IBA57: variants seen among roughly 807,000 people sequenced by gnomAD.
The protein encoded by IBA57 is iron-sulfur cluster assembly factor IBA57.
A neutral mutation model predicts 20.4 loss-of-function variants in IBA57; 20 were observed. That is an observed-to-expected ratio of 0.98 (90% CI 0.69 to 1.42). The LOEUF (loss-of-function observed/expected upper bound fraction) is 1.42, where lower values mean the gene tolerates loss of function less well. Ranked by LOEUF, IBA57 falls within the 40% of genes most tolerant of loss-of-function variation. The pLI is 0.00. For missense variants in IBA57, 608 were observed against 499.3 expected, an observed-to-expected ratio of 1.22 and a Z score of -2.07; for synonymous variants, 310 against 233.9, an observed-to-expected ratio of 1.33 and a Z score of -2.97.
At chr1:228,168,640 CAGG>C (rs1410677442) in intron 1 of IBA57, among the ~76,000 whole-genome samples, 5 of 152,112 alleles carry the variant, frequency 3.3e-5, no homozygotes, top group South Asian at 2.1e-4. Context: ...TCGAGGTCTG[CAGG>C]AGGAGTTAAT....
intron 1 of IBA57, among the ~76,000 whole-genome samples, chr1:228,168,608 C>T (rs2034884056): frequency 6.6e-6 from 1 of 152,148 alleles, no homozygotes; most frequent in Admixed American, 6.5e-5. Context: ...TCTATTTGCT[C>T]TCATTGTGGG....
chr1:228,170,864 C>G lies in IBA57; in HGVS notation c.342-3828C>G, dbSNP rs527410823. ...AGGAGAGAGAAGGGAAGGAGTCAGG[C>G]CGGGTCCCAGAGCAGTGTTTTCCTG... On this transcript the variant is annotated intron_variant, in intron 1 of 2. Coordinates refer to ENST00000366711, the MANE Select transcript of IBA57 (RefSeq NM_001010867.4). The surrounding 1 kb of genome is among the most constrained non-coding windows in gnomAD (Gnocchi z 4.8). Among the ~76,000 whole-genome samples the G allele has an allele frequency of 6.6e-6, 1 of 152,248 alleles. No individual in the cohort carries two copies. The highest frequency in any genetic ancestry group is 2.1e-4 in the South Asian group (1 of 4,820).
chr1:228,174,719 C>T lies in IBA57; in HGVS notation c.369C>T (p.Gly123=). Residue 123 remains glycine (G), a synonymous_variant, in exon 2 of 3, where the codon GGC becomes GGT. Transcript: ENST00000366711. ...TCCAGGAACACTCGGAGGTGTCTGG[C>T]TTCCTTCTGGAGTGTGACAGCTCGG... ...YGLQEHSEVS[G]FLLECDSSVQ... 1.3e-6 allele frequency: 2 copies of T among 1,584,398 alleles called. No homozygotes were observed. The highest frequency in any genetic ancestry group is 1.1e-5 in the South Asian group (1 of 89,282).
At position 228,166,003 on chromosome 1, in the gene IBA57, G is replaced by A; in HGVS notation, c.187G>A (p.Gly63Ser). ...LDGRTLLRVR[G>S]PDAAPFLLGL... ...CGGGCGCACCCTGCTGCGCGTGCGT[G>A]GCCCCGACGCGGCGCCCTTCCTGCT... The change falls in exon 1 of 3, where the codon GGC (glycine) becomes AGC (serine). Residue 63 changes from glycine (G) to serine (S), a missense_variant. By Grantham distance (56) the Gly-to-Ser change is moderately conservative. Coordinates refer to ENST00000366711, the MANE Select transcript of IBA57 (RefSeq NM_001010867.4). The A allele has an allele frequency of 6.5e-7, 1 of 1,529,892 alleles. No individual in the cohort carries two copies. The highest frequency in any genetic ancestry group is 8.7e-7 in the Non-Finnish European group (1 of 1,145,732). The allele number at this position is 1,529,892 out of a possible 1,614,324, so 94.8% of individuals were successfully genotyped here.
At position 228,179,087 on chromosome 1, in the gene IBA57, G is replaced by A. The variant is rs1259377092; in HGVS notation, c.*3574G>A. 1.3e-5 allele frequency: 2 copies of A among 151,762 alleles called. No individual in the cohort carries two copies. Among genetic ancestry groups the A allele is most frequent in the Non-Finnish European group, 2.9e-5 (2 of 67,956 alleles). 9.4% of individuals were successfully genotyped at this position (151,762 alleles called of 1,614,324 possible). A position where few individuals can be genotyped will look rare whatever the true frequency, so the allele number is the denominator to read the frequency against. On this transcript the variant is annotated 3_prime_UTR_variant, in exon 3 of 3. Transcript: ENST00000366711. ...AGGGGCAGTCTCCCAGCCAGAAGGT[G>A]GAATTTTTTTTTTTTTTTGAGATAC...
rs934122336 is a variant in IBA57, at chr1:228,175,782, A to C, written c.*269A>C. Reference sequence around the variant, plus strand: ...TGGGCTCCAGATGGCGCCGGGTCCCAATCGTGGCTCCACACAGGGTTGTCT... The same window carrying C: ...TGGGCTCCAGATGGCGCCGGGTCCCCATCGTGGCTCCACACAGGGTTGTCT... On this transcript the variant is annotated 3_prime_UTR_variant, in exon 3 of 3. Transcript: ENST00000366711. 2.6e-6 allele frequency: 1 copy of C among 380,380 alleles called. No homozygotes were observed. The highest frequency in any genetic ancestry group is 4.7e-6 in the Non-Finnish European group (1 of 210,930). 23.6% of individuals were successfully genotyped at this position (380,380 alleles called of 1,614,324 possible).
intron 1 of IBA57, 98 bp downstream of exon 1, chr1:228,166,255 G>A (rs569510824): frequency 1.1e-6 from 1 of 947,928 alleles, no homozygotes; most frequent in South Asian, 2.2e-5. Flanking sequence ...GCCTGCAGAG[G>A]GCGTGGGGGG....
Position 228,175,402 on chromosome 1 carries a change from C to T in IBA57, c.960C>T (p.Ala320=). 2 of 1,612,982 alleles carry T rather than the reference C, an allele frequency of 1.2e-6. No homozygotes were observed. The highest frequency in any genetic ancestry group is 1.7e-6 in the Non-Finnish European group (2 of 1,179,980). ...CTGGCCAGGGCAACGTGGGGCTGGC[C>T]CTGCTGTGGTCAGAGAAGATCAAGG... ...FRAGQGNVGL[A]LLWSEKIKGP... is the part of the protein sequence containing the mutation. Residue 320 remains alanine (A), a synonymous_variant, in exon 3 of 3, where the codon GCC becomes GCT. Coordinates refer to ENST00000366711, the MANE Select transcript of IBA57 (RefSeq NM_001010867.4).
chr1:228,166,234 G>C (rs1212970017), intron 1 of IBA57, 77 bp downstream of exon 1: 13 of 1,184,320 alleles, frequency 1.1e-5, no homozygotes, highest in Admixed American at 3.9e-5. Context: ...GGGACAGGGC[G>C]GGCGCCCGGG....
rs1314497673 is a variant in IBA57 at position 228,167,054 on chromosome 1, A to G, written c.341+897A>G. On this transcript the variant is annotated intron_variant, in intron 1 of 2. Transcript: ENST00000366711. ...TTGGAAATTGTCACCGACAATGTTCACATCACAACTTTGTTTTCTCGCTGC... is the reference window on the plus strand; with the variant it reads ...TTGGAAATTGTCACCGACAATGTTCGCATCACAACTTTGTTTTCTCGCTGC... Among the ~76,000 whole-genome samples the G allele has an allele frequency of 3.3e-5, 5 of 152,348 alleles. No individual in the cohort carries two copies. In the East Asian group the frequency reaches 5.8e-4, roughly 18 times the overall value.
chr1:228,169,158 C>A (rs568440772), intron 1 of IBA57, among the ~76,000 whole-genome samples: 4 of 152,132 alleles, frequency 2.6e-5, no homozygotes, highest in Non-Finnish European at 5.9e-5. Flanking sequence ...CCTCTGGTCA[C>A]TCCTCTGGGG....
At chr1:228,173,292 C>G (rs1287664373) in intron 1 of IBA57, 1 of 152,412 alleles carries the variant, frequency 6.6e-6, no homozygotes, top group African/African-American at 2.4e-5. Context: ...GGGGGTCTTA[C>G]TACCTCCCTG....
In IBA57 at chr1:228,165,839, G is replaced by A. The variant is rs765179856; in HGVS notation, c.23G>A (p.Arg8Gln). 8.4e-5 allele frequency: 110 copies of A among 1,306,458 alleles called. No individual in the cohort carries two copies. The highest frequency in any genetic ancestry group is 7.6e-4 in the African/African-American group (49 of 64,684). 80.9% of individuals were successfully genotyped at this position (1,306,458 alleles called of 1,614,324 possible). A position where few individuals can be genotyped will look rare whatever the true frequency, so the allele number is the denominator to read the frequency against. Residue 8 changes from arginine (R) to glutamine (Q), a missense_variant, in exon 1 of 3, where the codon CGA becomes CAA. By Grantham distance (43) the Arg-to-Gln change is conservative. Transcript: ENST00000366711. MATAALL[R>Q]GATPGRGGPV... ...AAGATGGCGACCGCGGCGCTGCTTC[G>A]AGGCGCCACTCCGGGGCGCGGCGGC...
In IBA57 at chr1:228,165,875, G is replaced by A; in HGVS notation, c.59G>A (p.Arg20His). Residue 20 changes from arginine to histidine, a missense_variant, in exon 1 of 3, where the codon CGC becomes CAC. Arg to His is a conservative substitution (Grantham distance 29, BLOSUM62 0). Coordinates refer to ENST00000366711, the MANE Select transcript of IBA57 (RefSeq NM_001010867.4). ...ATPGRGGPVW[R>H]WRLRAAPRCR... is the part of the protein sequence containing the mutation. ...CCGGGGCGCGGCGGCCCGGTCTGGC[G>A]CTGGCGGCTGCGCGCGGCCCCAAGG... 3 of 1,334,856 alleles carry A rather than the reference G, an allele frequency of 2.2e-6. No individual in the cohort carries two copies. Among genetic ancestry groups the A allele is most frequent in the Non-Finnish European group, 2.9e-6 (3 of 1,049,112 alleles). 82.7% of individuals were successfully genotyped at this position (1,334,856 alleles called of 1,614,324 possible). A position where few individuals can be genotyped will look rare whatever the true frequency, so the allele number is the denominator to read the frequency against.
Position 228,165,899 on chromosome 1 carries a change from G to A in IBA57, c.83G>A (p.Arg28Lys), listed in dbSNP as rs1325470016. 1.4e-6 allele frequency: 2 copies of A among 1,412,400 alleles called. No individual in the cohort carries two copies. The highest frequency in any genetic ancestry group is 1.5e-5 in the South Asian group (1 of 68,088). 87.5% of individuals were successfully genotyped at this position (1,412,400 alleles called of 1,614,324 possible). Residue 28 changes from arginine (R) to lysine (K), a missense_variant, in exon 1 of 3, where the codon AGG becomes AAG. Coordinates refer to ENST00000366711, the MANE Select transcript of IBA57 (RefSeq NM_001010867.4). ...VWRWRLRAAPRCRLAHSSCSP... is the reference protein window; with the variant it reads ...VWRWRLRAAPKCRLAHSSCSP... ...CGCTGGCGGCTGCGCGCGGCCCCAAGGTGCCGCCTGGCCCACAGCTCCTGC... is the reference window on the plus strand; with the variant it reads ...CGCTGGCGGCTGCGCGCGGCCCCAAAGTGCCGCCTGGCCCACAGCTCCTGC...
chr1:228,179,825 T>C lies in IBA57; in HGVS notation c.*4312T>C, dbSNP rs952003588. 2 of 152,152 alleles carry C rather than the reference T, an allele frequency of 1.3e-5. No individual in the cohort carries two copies. The highest frequency in any genetic ancestry group is 2.9e-5 in the Non-Finnish European group (2 of 68,010). The allele number at this position is 152,152 out of a possible 1,614,324, so 9.4% of individuals were successfully genotyped here. A position where few individuals can be genotyped will look rare whatever the true frequency, so the allele number is the denominator to read the frequency against. On this transcript the variant is annotated 3_prime_UTR_variant, in exon 3 of 3. Coordinates refer to ENST00000366711, the MANE Select transcript of IBA57 (RefSeq NM_001010867.4). Reference sequence around the variant, plus strand: ...TCTTCAAAGTCCTGGGAGAAAATAGTGATAGCCTAGAATTGTGTACCCAGA... The same window carrying C: ...TCTTCAAAGTCCTGGGAGAAAATAGCGATAGCCTAGAATTGTGTACCCAGA...
At position 228,165,834 on chromosome 1, in the gene IBA57, G is replaced by A; in HGVS notation, c.18G>A (p.Leu6=). The A allele has an allele frequency of 2.3e-6, 3 of 1,305,518 alleles. No homozygotes were observed. Among genetic ancestry groups the A allele is most frequent in the South Asian group, 4.7e-5 (2 of 42,896 alleles). The allele number at this position is 1,305,518 out of a possible 1,614,324, so 80.9% of individuals were successfully genotyped here. A position where few individuals can be genotyped will look rare whatever the true frequency, so the allele number is the denominator to read the frequency against. The change falls in exon 1 of 3, where the codon CTG becomes CTA. Residue 6 remains leucine (L), a synonymous_variant. Transcript: ENST00000366711. MATAA[L]LRGATPGRGG... ...TGTCCAAGATGGCGACCGCGGCGCT[G>A]CTTCGAGGCGCCACTCCGGGGCGCG...
At position 228,166,014 on chromosome 1, in the gene IBA57, G is replaced by C. The variant is rs748685214; in HGVS notation, c.198G>C (p.Ala66=). 7 of 1,532,004 alleles carry C rather than the reference G, an allele frequency of 4.6e-6. No homozygotes were observed. Among genetic ancestry groups the C allele is most frequent in the Non-Finnish European group, 6.1e-6 (7 of 1,146,430 alleles). The allele number at this position is 1,532,004 out of a possible 1,614,324, so 94.9% of individuals were successfully genotyped here. The change falls in exon 1 of 3, where the codon GCG becomes GCC. Residue 66 remains alanine (A), a synonymous_variant. Transcript: ENST00000366711. The part of the protein sequence containing the change: ...RTLLRVRGPD[A]APFLLGLLTN... ...TGCTGCGCGTGCGTGGCCCCGACGC[G>C]GCGCCCTTCCTGCTAGGGCTGCTGA...
Position 228,174,685 on chromosome 1 carries a change from C to A in IBA57, c.342-7C>A, listed in dbSNP as rs368007738. 8.3e-4 allele frequency: 1,273 copies of A among 1,538,208 alleles called. 21 individuals are homozygous for A. The South Asian group carries it at 0.014, about 17-fold the overall frequency. ...GCTGCCATGCGCCCCTGCCTCTCTC[C>A]CTGCAGGCTCCAGGAACACTCGGAG... On this transcript the variant is annotated splice_polypyrimidine_tract_variant and splice_region_variant and intron_variant, in intron 1 of 2. Coordinates refer to ENST00000366711, the MANE Select transcript of IBA57 (RefSeq NM_001010867.4).
Sources: allele counts gnomAD v4.1 joint callset (sites outside exome capture counted in the v4.1 genomes callset), GRCh38; gene constraint gnomAD v4.1.1; non-coding constraint Gnocchi (gnomAD v3.1); transcripts MANE v1.5; gene names NCBI Gene and HGNC (gene_info 2026-07-23, HGNC 2026-07-21).